Variants in RIF1 observed in about 807,000 individuals in gnomAD.
RIF1 encodes the protein replication timing regulatory factor 1, also known as telomere-associated protein RIF1.
In RIF1, 45 loss-of-function variants were observed where a neutral mutation model predicts 247.1. The observed-to-expected ratio is 0.18, with a 90% CI of 0.14 to 0.23. The LOEUF is 0.23. Ranked by LOEUF, RIF1 falls within the 10% of genes least tolerant of loss-of-function variation. RIF1 has a pLI of 1.00. For synonymous variants in RIF1, 1,087 were observed against 978.8 expected (o/e 1.11, Z -2.06); for missense variants, 2,967 against 2,862.5 (o/e 1.04, Z -0.83).
At chr2:151,501,449 G>GGAGT (rs2064469787) in intron 11 of RIF1, 1 of 1,539,166 alleles carries the variant, frequency 6.5e-7, no homozygotes, top group Non-Finnish European at 8.8e-7. Context: ...GACAGGTAGG[G>GGAGT]GAGTCCCCTT....
intron 9 of RIF1, chr2:151,491,978 G>T: frequency 1.7e-6 from 2 of 1,142,860 alleles, no homozygotes; most frequent in Non-Finnish European, 2.5e-6. Flanking sequence ...GAGCTTTCTT[G>T]CACCTCTAGA....
intron 7 of RIF1, among the ~76,000 whole-genome samples, chr2:151,421,852 T>C (rs971601292): frequency 8.6e-5 from 13 of 151,924 alleles, no homozygotes; most frequent in Non-Finnish European, 1.5e-4. Flanking sequence ...TTTTTTTTTT[T>C]CGAGACAGTT....
chr2:151,484,358 G>A (rs1471105067), downstream of RIF1, among the ~76,000 whole-genome samples: 1 of 152,248 alleles, frequency 6.6e-6, no homozygotes, highest in African/African-American at 2.4e-5. Flanking sequence ...CACTTTGGGA[G>A]GCTGAGGTGG....
intron 30 of RIF1, among the ~76,000 whole-genome samples, chr2:151,467,101 C>T (rs1283927683): frequency 6.6e-6 from 1 of 151,940 alleles, no homozygotes; most frequent in East Asian, 2.0e-4. Flanking sequence ...TGGTGGCGCA[C>T]ACCTGTAGTT....
chr2:151,463,222 T>G lies in RIF1; in HGVS notation c.3702T>G (p.Pro1234=). ...AGTTTGATGGTTCAGAAAATAGACC[T>G]TTTAGTCCATCCCCCTTGAATAATA... is the stretch of plus-strand genomic sequence containing the variant. The part of the protein sequence containing the change: ...LEKFDGSENR[P]FSPSPLNNIS... Residue 1234 remains proline, a synonymous_variant, in exon 30 of 36, where the codon CCT becomes CCG. Coordinates refer to ENST00000444746, the MANE Select transcript of RIF1 (RefSeq NM_018151.5). The G allele has an allele frequency of 6.2e-7, 1 of 1,614,012 alleles. No homozygotes were observed. The highest frequency in any genetic ancestry group is 8.5e-7 in the Non-Finnish European group (1 of 1,179,894).
At chr2:151,504,296 T>G (rs115092099) in intron 12 of RIF1, among the ~76,000 whole-genome samples, 1 of 152,198 alleles carries the variant, frequency 6.6e-6, no homozygotes, top group Non-Finnish European at 1.5e-5. Flanking sequence ...TAGGAACCTT[T>G]GAACATCTAC....
downstream of RIF1, among the ~76,000 whole-genome samples, chr2:151,512,390 G>A (rs1047422304): frequency 2.0e-5 from 3 of 151,262 alleles, no homozygotes; most frequent in Non-Finnish European, 4.4e-5. Flanking sequence ...CAGTGGTGCA[G>A]TCACAGCTGA....
chr2:151,439,346 C>T (rs1485364502), intron 14 of RIF1, among the ~76,000 whole-genome samples: 1 of 152,084 alleles, frequency 6.6e-6, no homozygotes, highest in Non-Finnish European at 1.5e-5. Context: ...TCTGTATAGT[C>T]ATCTCTAAAA....
At chr2:151,414,018 TTC>T (rs1686743680) in intron 3 of RIF1, among the ~76,000 whole-genome samples, 1 of 152,178 alleles carries the variant, frequency 6.6e-6, no homozygotes, top group Non-Finnish European at 1.5e-5. Context: ...GGGCTTTAAA[TTC>T]TAGATTGACA....
intron 7 of RIF1, among the ~76,000 whole-genome samples, 191 bp from the exon 8 acceptor site, chr2:151,422,759 C>G (rs996960472): frequency 6.6e-6 from 1 of 151,806 alleles, no homozygotes; most frequent in Non-Finnish European, 1.5e-5. Context: ...GCAGGTGATT[C>G]TCCTGCCTCA....
At chr2:151,533,609 C>G in the RIF1 span, 1 of 1,048,588 alleles carries the variant, frequency 9.5e-7, no homozygotes, top group Non-Finnish European at 1.4e-6. Context: ...GAACACGGCT[C>G]TATATCCCAA....
chr2:151,465,556 AGAAAC>A lies in RIF1; in HGVS notation c.6040_6044del (p.Thr2014TyrfsTer6). 1.9e-6 allele frequency: 3 copies of A among 1,613,990 alleles called. No homozygotes were observed. Among genetic ancestry groups the A allele is most frequent in the Non-Finnish European group, 2.5e-6 (3 of 1,179,958 alleles). ...ATGTATCTGATCTACACTCATCTGA[AGAAAC>A]GAATACCAAAATGAAAAATAATGAA... On this transcript the variant is annotated frameshift_variant, in exon 30 of 36. Coordinates refer to ENST00000444746, the MANE Select transcript of RIF1 (RefSeq NM_018151.5). LOFTEE classifies it high-confidence loss of function.
chr2:151,434,847 A>G (rs936551730), intron 10 of RIF1, among the ~76,000 whole-genome samples: 6 of 151,952 alleles, frequency 3.9e-5, no homozygotes, highest in African/African-American at 1.5e-4. Context: ...CTGGGGGTAT[A>G]TTTTAGGGGT....
Position 151,465,086 on chromosome 2 carries a change from A to C in RIF1, c.5566A>C (p.Asn1856His), listed in dbSNP as rs1325084998. 1.2e-6 allele frequency: 2 copies of C among 1,602,774 alleles called. No individual in the cohort carries two copies. Among genetic ancestry groups the C allele is most frequent in the Middle Eastern group, 1.7e-4 (1 of 5,994 alleles). Reference sequence around the variant, plus strand: ...GTCTCTTGAAAGCCAGGAGTCACCTAATGAAAATTTTAAAACTGTTGGCCC... The same window carrying C: ...GTCTCTTGAAAGCCAGGAGTCACCTCATGAAAATTTTAAAACTGTTGGCCC... ...AMSLESQESP[N>H]ENFKTVGPCL... The change falls in exon 30 of 36, where the codon AAT (asparagine) becomes CAT (histidine). Residue 1856 changes from asparagine (N) to histidine (H), a missense_variant. Transcript: ENST00000444746.
intron 3 of RIF1, 128 bp from the exon 4 acceptor site, chr2:151,414,695 T>G: frequency 5.0e-6 from 3 of 603,338 alleles, no homozygotes; most frequent in South Asian, 4.5e-5. Flanking sequence ...TTTTTATTTT[T>G]TATGCGTATT....
Position 151,506,216 on chromosome 2 carries a change from T to G in RIF1, c.*868T>G, listed in dbSNP as rs118191309. The G allele has an allele frequency of 1.6e-3, 2,609 of 1,613,806 alleles. 38 individuals are homozygous for G. In the East Asian group the frequency reaches 0.032, roughly 20 times the overall value. On this transcript the variant is annotated 3_prime_UTR_variant and NMD_transcript_variant, in exon 13 of 14. Transcript: ENST00000454583. ...TTCACTCTCATCATCTCAGGTGTCT[T>G]TCCGATAGCCGTTCCTGGTGAGACA...
At chr2:151,493,093 A>G (rs1444793433) in intron 9 of RIF1, 2 of 395,582 alleles carry the variant, frequency 5.1e-6, no homozygotes, top group African/African-American at 4.2e-5. Flanking sequence ...TAGGGGAAGG[A>G]AAACATTGGC....
chr2:151,494,356 A>G, intron 9 of RIF1: 1 of 781,582 alleles, frequency 1.3e-6, no homozygotes, highest in African/African-American at 1.8e-5. Context: ...TAGGGCCCCA[A>G]ACCATTTGGG....
rs1250803729 is a variant in RIF1, at chr2:151,409,928, C to T, written c.-116C>T. 4 of 700,116 alleles carry T rather than the reference C, an allele frequency of 5.7e-6. No individual in the cohort carries two copies. In the East Asian group the frequency reaches 8.1e-5, roughly 14 times the overall value. The allele number at this position is 700,116 out of a possible 1,614,324, so 43.4% of individuals were successfully genotyped here. A position where few individuals can be genotyped will look rare whatever the true frequency, so the allele number is the denominator to read the frequency against. Reference sequence around the variant, plus strand: ...GCCGCCATCTTGGTCTAGGAGGGAGCGCGCCGCACGCGTGAGTAAACAGCC... The same window carrying T: ...GCCGCCATCTTGGTCTAGGAGGGAGTGCGCCGCACGCGTGAGTAAACAGCC... On this transcript the variant is annotated 5_prime_UTR_variant, in exon 1 of 36. Transcript: ENST00000444746.
Sources: allele counts gnomAD v4.1 joint callset (sites outside exome capture counted in the v4.1 genomes callset), GRCh38; gene constraint gnomAD v4.1.1; transcripts MANE v1.5; gene names NCBI Gene and HGNC (gene_info 2026-07-23, HGNC 2026-07-21).